The following TNRC6B variants were observed in gnomAD, a reference collection of about 807,000 sequenced individuals.
TNRC6B encodes trinucleotide repeat containing adaptor 6B, also known as trinucleotide repeat-containing gene 6B protein.
In TNRC6B, 52 loss-of-function variants were observed where a neutral mutation model predicts 203.6. The observed-to-expected ratio is 0.26, with a 90% CI of 0.20 to 0.32. TNRC6B has a LOEUF of 0.32. Ranked by LOEUF, TNRC6B falls within the 10% of genes least tolerant of loss-of-function variation. The probability of loss-of-function intolerance (pLI) is 1.00; values close to 1 mark genes in which losing one functional copy is unlikely to be tolerated. For missense variants in TNRC6B, 1,923 were observed against 2,286.2 expected (o/e 0.84, Z 3.24); for synonymous variants, 838 against 845.7 (o/e 0.99, Z 0.16).
At chr22:40,048,935 C>G (rs2067719679) in intron 1 of TNRC6B, among the ~76,000 whole-genome samples, 1 of 151,974 alleles carries the variant, frequency 6.6e-6, no homozygotes, top group African/African-American at 2.4e-5. Flanking sequence ...CTGCCCCGCT[C>G]CCCCCTCCCA....
In TNRC6B at chr22:40,330,130, C is replaced by T. The variant is rs2071449257; in HGVS notation, c.*6889C>T. 1 of 152,180 alleles carries T rather than the reference C, an allele frequency of 6.6e-6. No individual in the cohort carries two copies. The highest frequency in any genetic ancestry group is 1.5e-5 in the Non-Finnish European group (1 of 68,028). The allele number at this position is 152,180 out of a possible 1,614,324, so 9.4% of individuals were successfully genotyped here. Reference sequence around the variant, plus strand: ...TAAATCATTGCTTTGGAAATAAATTCCCAATTATAATTGACCCATATCTAG... The same window carrying T: ...TAAATCATTGCTTTGGAAATAAATTTCCAATTATAATTGACCCATATCTAG... On this transcript the variant is annotated 3_prime_UTR_variant, in exon 23 of 23. Transcript: ENST00000454349.
chr22:40,299,781 G>A (rs1457586577), intron 12 of TNRC6B, among the ~76,000 whole-genome samples: 1 of 152,208 alleles, frequency 6.6e-6, no homozygotes, highest in Non-Finnish European at 1.5e-5. Flanking sequence ...TTCAGTAGAT[G>A]AGGGTGCAGG....
At position 40,177,972 on chromosome 22, in the gene TNRC6B, G is replaced by T. The variant is rs1168559950; in HGVS notation, c.-164G>T. 5.4e-6 allele frequency: 8 copies of T among 1,472,372 alleles called. No homozygotes were observed. Among genetic ancestry groups the T allele is most frequent in the South Asian group, 2.9e-5 (2 of 69,808 alleles). 91.2% of individuals were successfully genotyped at this position (1,472,372 alleles called of 1,614,324 possible). On this transcript the variant is annotated 5_prime_UTR_variant, in exon 1 of 23. Transcript: ENST00000454349. ...AGCAAGAGGGAGAGTGTGTGAGAGA[G>T]AGTTAGTTCAAGCCAAAATGGCCGA... is the stretch of plus-strand genomic sequence containing the variant.
At chr22:40,268,699 C>T (rs1229390043) in intron 5 of TNRC6B, among the ~76,000 whole-genome samples, 1 of 151,902 alleles carries the variant, frequency 6.6e-6, no homozygotes, top group Non-Finnish European at 1.5e-5. Context: ...ATCATGAGGT[C>T]AGGAGATCGA....
At chr22:40,106,962 T>C (rs1220027798) in intron 1 of TNRC6B, 2 of 1,188,526 alleles carry the variant, frequency 1.7e-6, no homozygotes, top group Non-Finnish European at 1.2e-6. Context: ...GCAAACTTCT[T>C]TCTCAGGCGC....
intron 1 of TNRC6B, among the ~76,000 whole-genome samples, chr22:40,047,978 C>T (rs994930244): frequency 6.6e-6 from 1 of 152,036 alleles, no homozygotes; most frequent in Non-Finnish European, 1.5e-5. Flanking sequence ...TTTAACAGGA[C>T]AATAAGAAAA....
intron 4 of TNRC6B, among the ~76,000 whole-genome samples, chr22:40,262,730 G>C (rs1310274778): frequency 6.6e-6 from 1 of 152,142 alleles, no homozygotes; most frequent in East Asian, 1.9e-4. Flanking sequence ...TTAGCTGAAA[G>C]GTTCTACTAG....
In TNRC6B at chr22:40,266,058, C is replaced by T. The variant is rs766803637; in HGVS notation, c.1828C>T (p.Arg610Ter). The change falls in exon 5 of 23, where the codon CGA (arginine) becomes TGA (stop). Residue 610 changes from arginine (R) to a stop codon, truncating the protein, a stop_gained. Coordinates refer to ENST00000454349, the MANE Select transcript of TNRC6B (RefSeq NM_001162501.2). LOFTEE classifies it high-confidence loss of function. ...CQAVLQTLLS[R>*]TDLDPRVLSN... ...GGCTGTCTTGCAGACTCTTTTGAGC[C>T]GAACTGATTTGGACCCCAGGGTGCT... 2 of 1,613,684 alleles carry T rather than the reference C, an allele frequency of 1.2e-6. No homozygotes were observed. The highest frequency in any genetic ancestry group is 8.5e-7 in the Non-Finnish European group (1 of 1,179,898).
At chr22:40,317,331 G>A (rs973084446) in intron 21 of TNRC6B, among the ~76,000 whole-genome samples, 2 of 152,194 alleles carry the variant, frequency 1.3e-5, no homozygotes, top group African/African-American at 2.4e-5. Context: ...TGTAATCCCA[G>A]CACTTTGGGA....
intron 3 of TNRC6B, among the ~76,000 whole-genome samples, chr22:40,259,346 C>G (rs2070338610): frequency 1.3e-5 from 2 of 152,076 alleles, no homozygotes; most frequent in African/African-American, 4.8e-5. Flanking sequence ...TCCTCAGCCT[C>G]CTGAGTAGCT....
At position 40,334,109 on chromosome 22, in the gene TNRC6B, A is replaced by T. The variant is rs1396178761; in HGVS notation, c.*10868A>T. ...GAGGCCCTTTTTCTATCAGTCTCTGATCCCTCATGGGTTCTGCCTGCCCTT... is the reference window on the plus strand; with the variant it reads ...GAGGCCCTTTTTCTATCAGTCTCTGTTCCCTCATGGGTTCTGCCTGCCCTT... On this transcript the variant is annotated 3_prime_UTR_variant, in exon 23 of 23. Coordinates refer to ENST00000454349, the MANE Select transcript of TNRC6B (RefSeq NM_001162501.2). 1 of 152,540 alleles carries T rather than the reference A, an allele frequency of 6.6e-6. No homozygotes were observed. Among genetic ancestry groups the T allele is most frequent in the Non-Finnish European group, 1.5e-5 (1 of 68,038 alleles). The allele number at this position is 152,540 out of a possible 1,614,324, so 9.4% of individuals were successfully genotyped here.
chr22:40,067,635 G>C (rs1334293615), intron 1 of TNRC6B, among the ~76,000 whole-genome samples: 1 of 152,150 alleles, frequency 6.6e-6, no homozygotes, highest in Non-Finnish European at 1.5e-5. Context: ...GCCCCAAGAG[G>C]CTGCTGGTGC....
intron 4 of TNRC6B, among the ~76,000 whole-genome samples, chr22:40,161,076 C>A (rs1311604131): frequency 6.6e-6 from 1 of 151,956 alleles, no homozygotes; most frequent in Non-Finnish European, 1.5e-5. Context: ...TTCTCTCAGT[C>A]CTTATTGTTT....
Position 40,323,069 on chromosome 22 carries a change from G to A in TNRC6B, c.5330G>A (p.Ser1777Asn), listed in dbSNP as rs1427696945. ...GGSTGLGQWS[S>N]SAGGSSGADL... ...TCCACTGGGCTCGGGCAGTGGAGCA[G>A]CAGCGCTGGTGGCAGCAGCGGGGCC... Residue 1777 changes from serine (S) to asparagine (N), a missense_variant, in exon 23 of 23, where the codon AGC (serine) becomes AAC (asparagine). Around this residue, in one of 8 missense-constraint regions of TNRC6B, gnomAD observed 126 missense variants for 137.5 expected, o/e 0.92. Transcript: ENST00000454349. The A allele has an allele frequency of 3.1e-6, 5 of 1,603,778 alleles. No individual in the cohort carries two copies. The highest frequency in any genetic ancestry group is 4.3e-6 in the Non-Finnish European group (5 of 1,174,808).
chr22:40,252,553 G>A (rs544136026), intron 3 of TNRC6B, among the ~76,000 whole-genome samples: 85 of 152,286 alleles, frequency 5.6e-4, no homozygotes, highest in African/African-American at 1.9e-3. Flanking sequence ...ATGACTAGGC[G>A]TTACTATAAT....
chr22:40,171,066 CTATA>C (rs1322122312), intron 4 of TNRC6B, among the ~76,000 whole-genome samples: 1 of 144,576 alleles, frequency 6.9e-6, no homozygotes, highest in East Asian at 2.0e-4. Context: ...ATACATGTAT[CTATA>C]TATGTATGTT....
chr22:40,301,402 CCTGCA>C, intron 15 of TNRC6B, 69 bp downstream of exon 15: 1 of 1,448,032 alleles, frequency 6.9e-7, no homozygotes, highest in Non-Finnish European at 9.4e-7. Context: ...AGGGGTTGCA[CCTGCA>C]TTACCCTCCT....
chr22:40,239,336 G>T (rs778883415), intron 1 of TNRC6B, among the ~76,000 whole-genome samples: 3 of 152,202 alleles, frequency 2.0e-5, no homozygotes, highest in African/African-American at 7.2e-5. Flanking sequence ...TTACCACCCT[G>T]GTAAAAGCAG....
chr22:40,070,563 G>T (rs2067938265), intron 1 of TNRC6B, among the ~76,000 whole-genome samples: 1 of 152,104 alleles, frequency 6.6e-6, no homozygotes, highest in Non-Finnish European at 1.5e-5. Context: ...ATAAAATATT[G>T]TAACTAATAA....
Sources: allele counts gnomAD v4.1 joint callset (sites outside exome capture counted in the v4.1 genomes callset), GRCh38; gene constraint gnomAD v4.1.1; regional missense constraint gnomAD v4.1.1; transcripts MANE v1.5; gene names NCBI Gene and HGNC (gene_info 2026-07-23, HGNC 2026-07-21).